Variants in SEMA3G observed in about 807,000 individuals in gnomAD.
SEMA3G encodes semaphorin 3G.
In SEMA3G, 70 loss-of-function variants were observed where a neutral mutation model predicts 86.2. The ratio of observed to expected loss-of-function variants is 0.81; its 90% CI spans 0.67 to 0.99. The LOEUF is 0.99. Among genes scored for constraint, SEMA3G ranks in the 50% least tolerant of loss-of-function variants. SEMA3G has a pLI of 0.00. For missense variants in SEMA3G, 1,002 were observed against 1,072.4 expected (o/e 0.93, Z 0.92); for synonymous variants, 416 against 441.4 (o/e 0.94, Z 0.72).
chr3:52,442,167 G>A lies in SEMA3G; in HGVS notation c.459+18C>T, dbSNP rs1303810732. On this transcript the variant is annotated intron_variant, in intron 4 of 15. Coordinates refer to ENST00000231721, the MANE Select transcript of SEMA3G (RefSeq NM_020163.3). The surrounding 1 kb of genome is among the most constrained non-coding windows in gnomAD (Gnocchi z 6.1). ...GTCACTGCCTCCCAGTCCCTTGTGG[G>A]GCCTGGCCCAGGCTCACCTCCCCAC... is the stretch of plus-strand genomic sequence containing the variant. 1.9e-6 allele frequency: 3 copies of A among 1,609,462 alleles called. No individual in the cohort carries two copies. The highest frequency in any genetic ancestry group is 2.7e-5 in the African/African-American group (2 of 74,856).
chr3:52,440,547 G>T, intron 9 of SEMA3G, 26 bp from the exon 10 acceptor site: 1 of 1,594,120 alleles, frequency 6.3e-7, no homozygotes. Flanking sequence ...GGACAGTCAG[G>T]CCAGAGTGGC....
intron 14 of SEMA3G, 152 bp from the exon 15 acceptor site, chr3:52,437,818 G>T: frequency 8.9e-7 from 1 of 1,123,634 alleles, no homozygotes; most frequent in Non-Finnish European, 1.3e-6. Flanking sequence ...CAAAGACCCT[G>T]CTTCCATGCA....
Position 52,442,069 on chromosome 3 carries a change from GGC to G in SEMA3G, c.459+114_459+115del. The G allele has an allele frequency of 1.4e-6, 2 of 1,434,338 alleles. No homozygotes were observed. Among genetic ancestry groups the G allele is most frequent in the Non-Finnish European group, 1.9e-6 (2 of 1,067,826 alleles). 88.9% of individuals were successfully genotyped at this position (1,434,338 alleles called of 1,614,324 possible). A position where few individuals can be genotyped will look rare whatever the true frequency, so the allele number is the denominator to read the frequency against. The stretch of plus-strand genomic sequence containing the variant: ...AATGGGGTCAGCTCCCCAACACAAA[GGC>G]GCCTTTCAGGCCCCTGCCCCTCTGT... On this transcript the variant is annotated intron_variant, in intron 4 of 15. Transcript: ENST00000231721. The surrounding 1 kb of genome is among the most constrained non-coding windows in gnomAD (Gnocchi z 6.1).
At position 52,438,978 on chromosome 3, in the gene SEMA3G, G is replaced by C; in HGVS notation, c.1468-17C>G. 6.2e-7 allele frequency: 1 copy of C among 1,612,694 alleles called. No individual in the cohort carries two copies. The highest frequency in any genetic ancestry group is 8.5e-7 in the Non-Finnish European group (1 of 1,179,270). On this transcript the variant is annotated splice_polypyrimidine_tract_variant and intron_variant, in intron 12 of 15. Coordinates refer to ENST00000231721, the MANE Select transcript of SEMA3G (RefSeq NM_020163.3). ...TGTTGGCACCTGGGGAAGGAGAAGG[G>C]TCTCAGTGTGGGTCGGGTGGACCAA...
chr3:52,444,586 G>T (rs1028604743), intron 1 of SEMA3G, among the ~76,000 whole-genome samples: 2 of 138,996 alleles, frequency 1.4e-5, no homozygotes, highest in African/African-American at 2.8e-5. Flanking sequence ...CACTGCACAC[G>T]CACCCAAACA....
chr3:52,437,431 C>T, intron 15 of SEMA3G, 96 bp downstream of exon 15: 2 of 1,327,144 alleles, frequency 1.5e-6, no homozygotes, highest in Non-Finnish European at 2.1e-6. Context: ...GGCAGATTCC[C>T]CCCAGAACCC....
In SEMA3G at chr3:52,444,953, G is replaced by T. The variant is rs372203259; in HGVS notation, c.75C>A (p.Ser25Arg). The change falls in exon 1 of 16, where the codon AGC (serine) becomes AGA (arginine). Residue 25 changes from serine to arginine, a missense_variant. By Grantham distance (110) the Ser-to-Arg change is moderately radical. Coordinates refer to ENST00000231721, the MANE Select transcript of SEMA3G (RefSeq NM_020163.3). ...LLLHGGSSGP[S>R]PGPSVPRLRL... Reference sequence around the variant, plus strand: ...GCAGGCGGGGCACACTGGGGCCGGGGCTGGGGCCAGAGCTACCCCCATGGA... The same window carrying T: ...GCAGGCGGGGCACACTGGGGCCGGGTCTGGGGCCAGAGCTACCCCCATGGA... 4.4e-5 allele frequency: 57 copies of T among 1,303,658 alleles called. 1 individual carries two copies. In the African/African-American group the frequency reaches 8.6e-4, roughly 20 times the overall value. 80.8% of individuals were successfully genotyped at this position (1,303,658 alleles called of 1,614,324 possible).
rs1339858244 is a variant in SEMA3G at position 52,440,797 on chromosome 3, C to T, written c.955G>A (p.Ala319Thr). ...GCGTACACCTCGAGGCTCTTCCCGG[C>T]CTTGGGCCACAGCAGGAACACATCC... ...LEDVFLLWPKAGKSLEVYALF... is the reference protein window; with the variant it reads ...LEDVFLLWPKTGKSLEVYALF... Residue 319 changes from alanine (A) to threonine (T), a missense_variant, in exon 9 of 16, where the codon GCC (alanine) becomes ACC (threonine). Coordinates refer to ENST00000231721, the MANE Select transcript of SEMA3G (RefSeq NM_020163.3). 4 of 1,612,964 alleles carry T rather than the reference C, an allele frequency of 2.5e-6. No homozygotes were observed. The highest frequency in any genetic ancestry group is 3.4e-6 in the Non-Finnish European group (4 of 1,180,004).
rs189339619 is a variant in SEMA3G at position 52,434,992 on chromosome 3, C to T, written c.*611G>A. 1.0e-3 allele frequency: 160 copies of T among 153,950 alleles called. No individual in the cohort carries two copies. The highest frequency in any genetic ancestry group is 1.6e-3 in the Non-Finnish European group (113 of 69,316). 9.5% of individuals were successfully genotyped at this position (153,950 alleles called of 1,614,324 possible). A position where few individuals can be genotyped will look rare whatever the true frequency, so the allele number is the denominator to read the frequency against. ...TGCCTCTAGATTATCTACACCTCTC[C>T]GTGATTCTCAGATGGAGAAGAGGCG... On this transcript the variant is annotated 3_prime_UTR_variant, in exon 16 of 16. Coordinates refer to ENST00000231721, the MANE Select transcript of SEMA3G (RefSeq NM_020163.3). This position sits in a 1 kb window ranked among gnomAD's most constrained non-coding sequence, Gnocchi z 5.2.
At chr3:52,438,839 G>A (rs1706094795) in intron 13 of SEMA3G, 81 bp downstream of exon 13, 3 of 1,584,340 alleles carry the variant, frequency 1.9e-6, no homozygotes, top group Non-Finnish European at 8.6e-7. Context: ...GCTCGAGGAG[G>A]CTGCGGAGCA....
intron 15 of SEMA3G, among the ~76,000 whole-genome samples, chr3:52,436,749 G>T (rs577814081): frequency 2.0e-5 from 3 of 152,342 alleles, no homozygotes; most frequent in African/African-American, 7.2e-5. Context: ...CTGTGTGTTG[G>T]GGGTGGATTG....
At chr3:52,441,189 G>A in intron 7 of SEMA3G, 75 bp downstream of exon 7, 1 of 1,558,352 alleles carries the variant, frequency 6.4e-7, no homozygotes. Flanking sequence ...GCTGGCCAGG[G>A]GTGGGGGGAG....
Position 52,445,059 on chromosome 3 carries a change from C to T in SEMA3G, c.-32G>A, listed in dbSNP as rs1264101070. ...GAACTGAGGGCACCGCTGCCGCCTGCCTGCAGAGCCGCCCTCTGGTCCCGC... is the reference window on the plus strand; with the variant it reads ...GAACTGAGGGCACCGCTGCCGCCTGTCTGCAGAGCCGCCCTCTGGTCCCGC... On this transcript the variant is annotated 5_prime_UTR_variant, in exon 1 of 16. Coordinates refer to ENST00000231721, the MANE Select transcript of SEMA3G (RefSeq NM_020163.3). 4 of 1,258,874 alleles carry T rather than the reference C, an allele frequency of 3.2e-6. No individual in the cohort carries two copies. The highest frequency in any genetic ancestry group is 4.0e-6 in the Non-Finnish European group (4 of 996,830). 78.0% of individuals were successfully genotyped at this position (1,258,874 alleles called of 1,614,324 possible).
At chr3:52,440,616 C>T in intron 9 of SEMA3G, 95 bp from the exon 10 acceptor site, 2 of 1,486,208 alleles carry the variant, frequency 1.3e-6, no homozygotes, top group Middle Eastern at 1.8e-4. Flanking sequence ...GTGACAGTGC[C>T]TGCAGCAAGC....
Position 52,442,585 on chromosome 3 carries a change from A to G in SEMA3G, c.313T>C (p.Cys105Arg). 9 of 1,613,172 alleles carry G rather than the reference A, an allele frequency of 5.6e-6. No homozygotes were observed. The highest frequency in any genetic ancestry group is 7.6e-6 in the Non-Finnish European group (9 of 1,179,786). The change falls in exon 3 of 16, where the codon TGT becomes CGT. Residue 105 changes from cysteine to arginine, a missense_variant. Coordinates refer to ENST00000231721, the MANE Select transcript of SEMA3G (RefSeq NM_020163.3). This position sits in a 1 kb window ranked among gnomAD's most constrained non-coding sequence, Gnocchi z 6.1. ...WPPQPGQREE[C>R]VRKGRDPLTE... ...AAAGGATCTCTTCCCTTTCGAACACACTCCTCCCTCTGTCCTGGCTGCGGT... is the reference window on the plus strand; with the variant it reads ...AAAGGATCTCTTCCCTTTCGAACACGCTCCTCCCTCTGTCCTGGCTGCGGT...
intron 11 of SEMA3G, 22 bp downstream of exon 11, chr3:52,439,845 C>T (rs1027252947): frequency 1.9e-6 from 3 of 1,610,874 alleles, no homozygotes; most frequent in Non-Finnish European, 2.5e-6. Flanking sequence ...CCAGCCTGGC[C>T]ACCCTGGCTC....
At position 52,438,118 on chromosome 3, in the gene SEMA3G, C is replaced by G. The variant is rs1459210153; in HGVS notation, c.1591G>C (p.Glu531Gln). The change falls in exon 14 of 16, where the codon GAG becomes CAG. Residue 531 changes from glutamate to glutamine, a missense_variant. Transcript: ENST00000231721. Reference protein sequence around the residue: ...QCETYGTACAECCLARDPYCA... With the variant: ...QCETYGTACAQCCLARDPYCA... ...TATGGGTCCCGGGCCAGGCAGCACT[C>G]TGCACAGGCAGTGCCGTAAGTCTCA... The G allele has an allele frequency of 6.2e-7, 1 of 1,613,198 alleles. No homozygotes were observed. The highest frequency in any genetic ancestry group is 8.5e-7 in the Non-Finnish European group (1 of 1,180,042).
At chr3:52,443,965 C>T (rs191945614) in intron 1 of SEMA3G, among the ~76,000 whole-genome samples, 4 of 152,290 alleles carry the variant, frequency 2.6e-5, no homozygotes, top group Admixed American at 2.6e-4. Context: ...GCTCACATGT[C>T]TAGGGTAGAA....
intron 15 of SEMA3G, among the ~76,000 whole-genome samples, chr3:52,436,791 A>G (rs1262916675): frequency 6.6e-6 from 1 of 152,158 alleles, no homozygotes; most frequent in Non-Finnish European, 1.5e-5. Flanking sequence ...GTGAAACACC[A>G]TCTTGTTGCT....
Sources: allele counts gnomAD v4.1 joint callset (sites outside exome capture counted in the v4.1 genomes callset), GRCh38; gene constraint gnomAD v4.1.1; non-coding constraint Gnocchi (gnomAD v3.1); transcripts MANE v1.5; gene names NCBI Gene and HGNC (gene_info 2026-07-23, HGNC 2026-07-21).